Variants in KHDRBS2 observed in about 807,000 individuals in gnomAD.
KHDRBS2 encodes KH RNA binding domain containing, signal transduction associated 2.
KHDRBS2 carries 26 observed loss-of-function variants against 44.3 expected under a neutral mutation model. The ratio of observed to expected loss-of-function variants is 0.59; its 90% CI spans 0.43 to 0.81. The LOEUF (loss-of-function observed/expected upper bound fraction) is 0.81. Ranked by LOEUF, KHDRBS2 falls within the 40% of genes least tolerant of loss-of-function variation. KHDRBS2 has a pLI of 0.00. For missense variants in KHDRBS2, 476 were observed against 433.1 expected, an observed-to-expected ratio of 1.10 and a Z score of -0.88; for synonymous variants, 194 against 151.1, an observed-to-expected ratio of 1.28 and a Z score of -2.08.
At chr6:61,695,666 A>T (rs1305876187) in intron 8 of KHDRBS2, among the ~76,000 whole-genome samples, 1 of 152,184 alleles carries the variant, frequency 6.6e-6, no homozygotes, top group Non-Finnish European at 1.5e-5. Flanking sequence ...AATGGAGATA[A>T]AAATACTTAA....
intron 6 of KHDRBS2, among the ~76,000 whole-genome samples, chr6:61,758,336 T>G (rs1778810974): frequency 6.6e-6 from 1 of 152,026 alleles, no homozygotes; most frequent in South Asian, 2.1e-4. Flanking sequence ...GTTAACTACA[T>G]ATGACCAAAA....
intron 7 of KHDRBS2, among the ~76,000 whole-genome samples, chr6:61,717,220 A>C (rs1322410661): frequency 5.9e-5 from 9 of 152,090 alleles, no homozygotes; most frequent in Non-Finnish European, 1.3e-4. Context: ...TTAACCTTAA[A>C]TTAATTAAAA....
At chr6:61,993,164 G>GAT (rs1379822384) in intron 3 of KHDRBS2, among the ~76,000 whole-genome samples, 1 of 152,196 alleles carries the variant, frequency 6.6e-6, no homozygotes, top group Admixed American at 6.5e-5. Flanking sequence ...CAAAGGCCTG[G>GAT]ATATAGGCTC....
At position 62,219,054 on chromosome 6, in the gene KHDRBS2, C is replaced by A. The variant is rs559965922; in HGVS notation, c.92-41742G>T. 2.0e-5 allele frequency among the ~76,000 whole-genome samples: 3 copies of A among 151,724 alleles called. No homozygotes were observed. The South Asian group carries it at 6.3e-4, about 32-fold the overall frequency. On this transcript the variant is annotated intron_variant, in intron 1 of 8. Transcript: ENST00000281156. ...GTAATGAGAAATTACTTAATAGGTT[C>A]AATATGTATTATTTGGTTGATGAAC... is the stretch of plus-strand genomic sequence containing the variant.
chr6:62,037,078 T>G (rs1443016930), intron 3 of KHDRBS2, among the ~76,000 whole-genome samples: 1 of 151,960 alleles, frequency 6.6e-6, no homozygotes, highest in African/African-American at 2.4e-5. Flanking sequence ...CTTACTCATA[T>G]TATAAAATCT....
intron 4 of KHDRBS2, among the ~76,000 whole-genome samples, chr6:61,955,064 A>G (rs62646167): frequency 0.21 from 30,462 of 142,942 alleles, 3,509 homozygotes; most frequent in Admixed American, 0.3. Flanking sequence ...ATGTATGTAT[A>G]CACATATACG....
intron 6 of KHDRBS2, among the ~76,000 whole-genome samples, chr6:61,778,811 GGACTAGCTATT>G (rs1276113821): frequency 6.6e-6 from 1 of 152,166 alleles, no homozygotes; most frequent in Admixed American, 6.5e-5. Context: ...CAGAAAGAAT[GGACTAGCTATT>G]GACTGGAAGC....
At chr6:62,140,341 G>C (rs1421920380) in intron 2 of KHDRBS2, among the ~76,000 whole-genome samples, 1 of 152,150 alleles carries the variant, frequency 6.6e-6, no homozygotes, top group African/African-American at 2.4e-5. Context: ...GTCGATCTTA[G>C]GTTTAGCAAT....
the KHDRBS2 span, chr6:61,574,186 C>A: frequency 6.2e-6 from 4 of 644,080 alleles, no homozygotes; most frequent in South Asian, 3.5e-5. Flanking sequence ...AATCTTACCC[C>A]GCCTGTTTAC....
At chr6:62,079,536 A>G (rs1796996084) in intron 2 of KHDRBS2, among the ~76,000 whole-genome samples, 1 of 152,110 alleles carries the variant, frequency 6.6e-6, no homozygotes, top group Non-Finnish European at 1.5e-5. Flanking sequence ...ATATTTGAGC[A>G]TCTTCGTAAT....
chr6:62,071,914 C>A (rs1170112482), intron 2 of KHDRBS2, among the ~76,000 whole-genome samples: 1 of 152,106 alleles, frequency 6.6e-6, no homozygotes, highest in African/African-American at 2.4e-5. Context: ...GGCATTGAAT[C>A]TATAAATTAC....
the KHDRBS2 span, among the ~76,000 whole-genome samples, chr6:61,608,693 G>GT: frequency 2.0e-5 from 3 of 151,854 alleles, no homozygotes; most frequent in Non-Finnish European, 2.9e-5. Flanking sequence ...GCAGTGTTTG[G>GT]TTTTTTGTTC....
At chr6:62,069,389 T>C (rs1401282186) in intron 2 of KHDRBS2, among the ~76,000 whole-genome samples, 5 of 151,750 alleles carry the variant, frequency 3.3e-5, no homozygotes, top group Non-Finnish European at 1.5e-5. Flanking sequence ...AGACGCATAG[T>C]CTGTGTGAAA....
At chr6:62,176,810 T>C (rs1183450392) in intron 2 of KHDRBS2, among the ~76,000 whole-genome samples, 4 of 151,496 alleles carry the variant, frequency 2.6e-5, no homozygotes, top group Non-Finnish European at 5.9e-5. Flanking sequence ...GATTTTCTAA[T>C]GTTACATATT....
chr6:61,977,955 A>C (rs558013662), intron 4 of KHDRBS2, 111 bp downstream of exon 4: 2 of 902,898 alleles, frequency 2.2e-6, no homozygotes, highest in African/African-American at 3.4e-5. Context: ...CTGTGGATAG[A>C]TCATTGGTTT....
At chr6:62,204,267 A>G (rs997258371) in intron 1 of KHDRBS2, among the ~76,000 whole-genome samples, 1 of 152,210 alleles carries the variant, frequency 6.6e-6, no homozygotes, top group East Asian at 1.9e-4. Flanking sequence ...GATATCAAAG[A>G]TCTGTTGGAA....
chr6:62,284,408 G>A (rs1842195072), intron 1 of KHDRBS2, among the ~76,000 whole-genome samples: 1 of 151,950 alleles, frequency 6.6e-6, no homozygotes, highest in Non-Finnish European at 1.5e-5. Context: ...ACTGAAGACT[G>A]GTAAGACTTG....
intron 2 of KHDRBS2, among the ~76,000 whole-genome samples, chr6:62,082,806 G>T (rs1045889611): frequency 1.3e-5 from 2 of 152,060 alleles, no homozygotes; most frequent in Non-Finnish European, 2.9e-5. Context: ...CACGCTTTTG[G>T]AATCCTGCTT....
At chr6:62,215,708 C>A (rs2150148391) in intron 1 of KHDRBS2, among the ~76,000 whole-genome samples, 1 of 151,758 alleles carries the variant, frequency 6.6e-6, no homozygotes, top group African/African-American at 2.4e-5. Context: ...ATTTTGGTTT[C>A]ATAACTCCAG....
Sources: allele counts gnomAD v4.1 joint callset (sites outside exome capture counted in the v4.1 genomes callset), GRCh38; gene constraint gnomAD v4.1.1; transcripts MANE v1.5; gene names NCBI Gene and HGNC (gene_info 2026-07-23, HGNC 2026-07-21).